Variants in JAKMIP2 observed in about 807,000 individuals in gnomAD.
JAKMIP2 encodes janus kinase and microtubule-interacting protein 2.
Under a neutral mutation model 115.0 loss-of-function variants are expected in JAKMIP2, and 25 were observed. That is an observed-to-expected ratio of 0.22 (90% CI 0.16 to 0.30). The LOEUF is 0.30. Ranked by LOEUF, JAKMIP2 falls within the 10% of genes least tolerant of loss-of-function variation. JAKMIP2 has a pLI of 1.00. For missense variants in JAKMIP2, 642 were observed against 957.6 expected (o/e 0.67, Z 4.35); for synonymous variants, 334 against 343.6 (o/e 0.97, Z 0.31).
intron 3 of JAKMIP2, among the ~76,000 whole-genome samples, chr5:147,660,123 A>G (rs1396363084): frequency 1.3e-5 from 2 of 152,236 alleles, no homozygotes; most frequent in African/African-American, 4.8e-5. Context: ...AAACATCCGA[A>G]TGCAGATGAA....
At chr5:147,614,375 A>G (rs73266301) in intron 19 of JAKMIP2, among the ~76,000 whole-genome samples, 2,108 of 152,326 alleles carry the variant, frequency 0.014, 54 homozygotes, top group African/African-American at 0.049. Flanking sequence ...TGTCAAATAA[A>G]TGTGTTATGC....
intron 19 of JAKMIP2, among the ~76,000 whole-genome samples, chr5:147,615,842 A>T (rs1251957954): frequency 6.6e-6 from 1 of 152,150 alleles, no homozygotes; most frequent in Non-Finnish European, 1.5e-5. Context: ...GAATAAATGC[A>T]TAGATGATGG....
rs1280664647 is a variant in JAKMIP2 at position 147,589,653 on chromosome 5, C to A, written c.*2054G>T. On this transcript the variant is annotated 3_prime_UTR_variant, in exon 22 of 22. Coordinates refer to ENST00000616793, the MANE Select transcript of JAKMIP2 (RefSeq NM_001270941.2). ...TGGCATGCATATGCAATCAAGAGAG[C>A]TGGGAGATGCTTATCATAGAAATGA... The A allele has an allele frequency of 6.6e-6, 1 of 152,108 alleles. No individual in the cohort carries two copies. Among genetic ancestry groups the A allele is most frequent in the Non-Finnish European group, 1.5e-5 (1 of 68,028 alleles). The allele number at this position is 152,108 out of a possible 1,614,324, so 9.4% of individuals were successfully genotyped here.
intron 11 of JAKMIP2, among the ~76,000 whole-genome samples, chr5:147,636,605 T>C (rs966276615): frequency 2.0e-5 from 3 of 152,150 alleles, no homozygotes; most frequent in Non-Finnish European, 4.4e-5. Context: ...GCTAGATACA[T>C]ATGGATGGAA....
At chr5:147,612,197 C>G (rs1561846770) in intron 20 of JAKMIP2, 109 bp downstream of exon 20, 2 of 820,068 alleles carry the variant, frequency 2.4e-6, no homozygotes, top group East Asian at 4.9e-5. Context: ...ATACCTGCCT[C>G]TGCAAGACAC....
Position 147,599,260 on chromosome 5 carries a change from A to G in JAKMIP2, c.*20+2481T>C, listed in dbSNP as rs1164601842. ...TGCATAACCTCGTCTCATTCTCTCA[A>G]CACAACACCCTGCTGTAGGTAACAT... is the stretch of plus-strand genomic sequence containing the variant. On this transcript the variant is annotated intron_variant, in intron 21 of 21. Coordinates refer to ENST00000616793, the MANE Select transcript of JAKMIP2 (RefSeq NM_001270941.2). 2.6e-5 allele frequency among the ~76,000 whole-genome samples: 4 copies of G among 152,138 alleles called. No individual in the cohort carries two copies. In the East Asian group the frequency reaches 7.7e-4, roughly 29 times the overall value.
At chr5:147,742,287 C>T (rs967183078) in intron 1 of JAKMIP2, among the ~76,000 whole-genome samples, 1 of 151,634 alleles carries the variant, frequency 6.6e-6, no homozygotes, top group African/African-American at 2.4e-5. Context: ...TTATTCAATG[C>T]AACTAAAGTG....
At chr5:147,617,465 G>C (rs1245362808) in intron 19 of JAKMIP2, among the ~76,000 whole-genome samples, 1 of 152,142 alleles carries the variant, frequency 6.6e-6, no homozygotes, top group African/African-American at 2.4e-5. Context: ...AACAGCAGCT[G>C]CCAGGCTTTG....
chr5:147,701,116 G>T (rs1752308417), intron 1 of JAKMIP2, among the ~76,000 whole-genome samples: 1 of 152,080 alleles, frequency 6.6e-6, no homozygotes, highest in African/African-American at 2.4e-5. Context: ...TGCCATAAAG[G>T]AAAAAGTCTC....
At chr5:147,594,632 G>T (rs7713552) in intron 21 of JAKMIP2, among the ~76,000 whole-genome samples, 143,756 of 152,146 alleles carry the variant, frequency 0.94, 68,324 homozygotes, top group Non-Finnish European at 1. Context: ...CCCAGCTAAT[G>T]CCACAAACTC....
rs574596722 is a variant in JAKMIP2 at position 147,628,604 on chromosome 5, C to G, written c.1995+147G>C. ...TTTCGTTTGGGTGTTCTCATTCTAT[C>G]TGGGTTGTACTACCCTTAAAAATAA... On this transcript the variant is annotated intron_variant, in intron 16 of 21. Transcript: ENST00000616793. 12 of 506,026 alleles carry G rather than the reference C, an allele frequency of 2.4e-5. No homozygotes were observed. In the South Asian group the frequency reaches 5.9e-4, roughly 25 times the overall value. The allele number at this position is 506,026 out of a possible 1,614,324, so 31.3% of individuals were successfully genotyped here. A position where few individuals can be genotyped will look rare whatever the true frequency, so the allele number is the denominator to read the frequency against.
chr5:147,717,642 C>T (rs1753066055), intron 1 of JAKMIP2, among the ~76,000 whole-genome samples: 1 of 150,894 alleles, frequency 6.6e-6, no homozygotes, highest in African/African-American at 2.4e-5. Flanking sequence ...ATTTGGCTCT[C>T]TGTTTGTCTG....
intron 1 of JAKMIP2, among the ~76,000 whole-genome samples, chr5:147,764,967 G>GAGA (rs1561582717): frequency 5.2e-4 from 11 of 21,244 alleles, no homozygotes; most frequent in Admixed American, 3.6e-3. Flanking sequence ...AGAGAGAGAG[G>GAGA]GGGAGAGAGA....
At chr5:147,614,001 G>T (rs190523198) in intron 19 of JAKMIP2, among the ~76,000 whole-genome samples, 17 of 152,298 alleles carry the variant, frequency 1.1e-4, no homozygotes, top group African/African-American at 3.8e-4. Context: ...CACAGTAAAA[G>T]AATAAATTTG....
chr5:147,660,762 CT>C, intron 3 of JAKMIP2, 185 bp downstream of exon 3: 1 of 638,306 alleles, frequency 1.6e-6, no homozygotes, highest in Non-Finnish European at 2.7e-6. Flanking sequence ...CAATTTTGGC[CT>C]GAGCATATCT....
chr5:147,690,147 T>C (rs1253468145), intron 1 of JAKMIP2, among the ~76,000 whole-genome samples: 1 of 152,012 alleles, frequency 6.6e-6, no homozygotes, highest in African/African-American at 2.4e-5. Flanking sequence ...ACCACAGGTT[T>C]GAGACCAGCC....
At chr5:147,594,057 C>T (rs570320859) in intron 21 of JAKMIP2, among the ~76,000 whole-genome samples, 4 of 152,194 alleles carry the variant, frequency 2.6e-5, no homozygotes, top group Middle Eastern at 3.4e-3. Context: ...TTTGAGTAAA[C>T]ACATGTTGGT....
At chr5:147,611,896 T>A (rs1003228995) in intron 20 of JAKMIP2, among the ~76,000 whole-genome samples, 1 of 152,180 alleles carries the variant, frequency 6.6e-6, no homozygotes, top group Non-Finnish European at 1.5e-5. Context: ...GAATTTACTG[T>A]TAAGGTGAAA....
chr5:147,761,293 T>A (rs930387365), intron 1 of JAKMIP2, among the ~76,000 whole-genome samples: 20 of 152,180 alleles, frequency 1.3e-4, no homozygotes, highest in Non-Finnish European at 2.5e-4. Context: ...ATCTACATAG[T>A]CTTCCTATGT....
Sources: allele counts gnomAD v4.1 joint callset (sites outside exome capture counted in the v4.1 genomes callset), GRCh38; gene constraint gnomAD v4.1.1; transcripts MANE v1.5; gene names NCBI Gene and HGNC (gene_info 2026-07-23, HGNC 2026-07-21).